The following PHF19 variants were observed in gnomAD, a reference collection of about 807,000 sequenced individuals.
The protein encoded by PHF19 is PHD finger protein 19, also known as polycomb like 3.
A neutral mutation model predicts 79.8 loss-of-function variants in PHF19; 21 were observed. That is an observed-to-expected ratio of 0.26 (90% CI 0.19 to 0.38). The LOEUF is 0.38. Ranked by LOEUF, PHF19 falls within the 10% of genes least tolerant of loss-of-function variation. The probability of loss-of-function intolerance (pLI) is 1.00; values close to 1 mark genes in which losing one functional copy is unlikely to be tolerated. For missense variants in PHF19, 445 were observed against 744.2 expected, an observed-to-expected ratio of 0.60 and a Z score of 4.68; for synonymous variants, 273 against 296.3, an observed-to-expected ratio of 0.92 and a Z score of 0.81.
intron 1 of PHF19, among the ~76,000 whole-genome samples, chr9:120,890,923 C>T (rs962484212): frequency 2.6e-5 from 4 of 152,182 alleles, no homozygotes; most frequent in African/African-American, 9.6e-5. Flanking sequence ...ACCTTCTCAC[C>T]TGTGTAGCCT....
At position 120,874,646 on chromosome 9, in the gene PHF19, G is replaced by T; in HGVS notation, c.96C>A (p.Asn32Lys). 1 of 1,613,926 alleles carries T rather than the reference G, an allele frequency of 6.2e-7. No individual in the cohort carries two copies. The highest frequency in any genetic ancestry group is 8.5e-7 in the Non-Finnish European group (1 of 1,179,762). Residue 32 changes from asparagine to lysine, a missense_variant, in exon 2 of 15, where the codon AAC (asparagine) becomes AAA (lysine). Asn to Lys is a moderately conservative substitution (Grantham distance 94). Transcript: ENST00000373896. The surrounding 1 kb of genome is among the most constrained non-coding windows in gnomAD (Gnocchi z 4.5). ...NKGALAKVKN[N>K]FKDLMSKLTE... is the part of the protein sequence containing the mutation. ...TCAGTTTGGACATCAAGTCTTTGAA[G>T]TTGTTCTTGACCTTCGCCAGGGCCC...
At chr9:120,897,819 A>C (rs757255253), upstream of PHF19, among the ~76,000 whole-genome samples, 22 of 151,840 alleles carry the variant, frequency 1.4e-4, no homozygotes, top group Non-Finnish European at 2.5e-4. Flanking sequence ...TCTCTGCAAA[A>C]ATACAAAAAA....
rs1170243737 is a variant in PHF19 at position 120,872,037 on chromosome 9, C to CAAAAAAAAAAAAAAA, written c.269-1514_269-1500dup. Among the ~76,000 whole-genome samples the CAAAAAAAAAAAAAAA allele has an allele frequency of 4.0e-4, 12 of 30,324 alleles. 1 individual carries two copies. The highest frequency in any genetic ancestry group is 1.2e-3 in the African/African-American group (9 of 7,534). 19.9% of individuals were successfully genotyped at this position (30,324 alleles called of 152,430 possible). A position where few individuals can be genotyped will look rare whatever the true frequency, so the allele number is the denominator to read the frequency against. On this transcript the variant is annotated intron_variant, in intron 3 of 14. Coordinates refer to ENST00000373896, the MANE Select transcript of PHF19 (RefSeq NM_015651.3). ...TGGGTGACAGAGCAAGACTCTGTCT[C>CAAAAAAAAAAAAAAA]AAAAAAAAAAAAAAAAAAAAAAAAA...
At chr9:120,861,809 G>A in intron 12 of PHF19, 109 bp downstream of exon 12, 3 of 795,878 alleles carry the variant, frequency 3.8e-6, no homozygotes, top group Non-Finnish European at 6.8e-6. Context: ...TTCTTTAAGG[G>A]ACATGAGAGA....
At chr9:120,864,229 G>T in intron 9 of PHF19, 113 bp from the exon 10 acceptor site, 1 of 838,020 alleles carries the variant, frequency 1.2e-6, no homozygotes, top group Non-Finnish European at 2.0e-6. Context: ...CTTCAGGTGA[G>T]GACCACTGAC....
Position 120,869,375 on chromosome 9 carries a change from A to C in PHF19, c.466-45T>G. 4 of 1,591,072 alleles carry C rather than the reference A, an allele frequency of 2.5e-6. No individual in the cohort carries two copies. On this transcript the variant is annotated intron_variant, in intron 5 of 14. Transcript: ENST00000373896. This position sits in a 1 kb window ranked among gnomAD's most constrained non-coding sequence, Gnocchi z 5.8. ...CCAGTCAACCACCAGGTCCGGGTGG[A>C]CCACGCGAGTCAGCACGCGGCTGTC...
Position 120,874,531 on chromosome 9 carries a change from C to T in PHF19, c.186+25G>A. On this transcript the variant is annotated intron_variant, in intron 2 of 14. Coordinates refer to ENST00000373896, the MANE Select transcript of PHF19 (RefSeq NM_015651.3). The surrounding 1 kb of genome is among the most constrained non-coding windows in gnomAD (Gnocchi z 4.5). ...AGCAGAGAGATTCTGAGTCTGAGAA[C>T]AGGGGCCAGAGAGGATGGGTTTACC... is the stretch of plus-strand genomic sequence containing the variant. 1 of 1,473,656 alleles carries T rather than the reference C, an allele frequency of 6.8e-7. No homozygotes were observed. The highest frequency in any genetic ancestry group is 9.5e-7 in the Non-Finnish European group (1 of 1,056,426). 91.3% of individuals were successfully genotyped at this position (1,473,656 alleles called of 1,614,324 possible).
At chr9:120,900,237 T>G in the PHF19 span, among the ~76,000 whole-genome samples, 1 of 152,228 alleles carries the variant, frequency 6.6e-6, no homozygotes. Context: ...TCTGCCCACC[T>G]CAGCCTCCCA....
At chr9:120,876,255 T>G (rs572791395) in intron 1 of PHF19, 2 of 152,302 alleles carry the variant, frequency 1.3e-5, no homozygotes, top group African/African-American at 4.8e-5. Context: ...GGGCAGGGGA[T>G]GCGGTCTGAA....
Position 120,870,895 on chromosome 9 carries a change from G to A in PHF19, c.269-357C>T, listed in dbSNP as rs2045876258. Among the ~76,000 whole-genome samples the A allele has an allele frequency of 6.6e-6, 1 of 152,040 alleles. No individual in the cohort carries two copies. The highest frequency in any genetic ancestry group is 1.9e-4 in the East Asian group (1 of 5,196). On this transcript the variant is annotated intron_variant, in intron 3 of 14. Transcript: ENST00000373896. This position sits in a 1 kb window ranked among gnomAD's most constrained non-coding sequence, Gnocchi z 4.4. ...GTTATTTTCTTAAAACTTTATTATG[G>A]GATAATATAATTTGTTTGTTTGTTT...
rs892944663 is a variant in PHF19 at position 120,870,989 on chromosome 9, G to A, written c.269-451C>T. 3.9e-5 allele frequency among the ~76,000 whole-genome samples: 6 copies of A among 152,122 alleles called. No homozygotes were observed. The highest frequency in any genetic ancestry group is 2.6e-4 in the Admixed American group (4 of 15,280). ...GTGATCTTGTCTCACTGCAACCTCC[G>A]CCTCCCTGGTTCAAGCAATTCTCCT... On this transcript the variant is annotated intron_variant, in intron 3 of 14. Coordinates refer to ENST00000373896, the MANE Select transcript of PHF19 (RefSeq NM_015651.3). The surrounding 1 kb of genome is among the most constrained non-coding windows in gnomAD (Gnocchi z 4.4).
chr9:120,891,824 A>C lies in PHF19; in HGVS notation c.42+2964T>G, dbSNP rs1301149762. Among the ~76,000 whole-genome samples, 1 of 152,052 alleles carries C rather than the reference A, an allele frequency of 6.6e-6. No homozygotes were observed. The highest frequency in any genetic ancestry group is 1.5e-5 in the Non-Finnish European group (1 of 68,016). ...GTAGAAGGATGCCTGTCTGAGCCCC[A>C]CCCCAAATCCAAGGAGCCAGACCAG... On this transcript the variant is annotated intron_variant, in intron 1 of 14. Coordinates refer to the PHF19 transcript ENST00000616568. This position sits in a 1 kb window ranked among gnomAD's most constrained non-coding sequence, Gnocchi z 4.3.
At chr9:120,861,690 A>T (rs2045530176) in intron 12 of PHF19, among the ~76,000 whole-genome samples, 1 of 152,044 alleles carries the variant, frequency 6.6e-6, no homozygotes, top group South Asian at 2.1e-4. Context: ...GACAGTGGGG[A>T]CAAGAATATT....
chr9:120,866,244 G>A lies in PHF19; in HGVS notation c.711-148C>T, dbSNP rs2045696831. The stretch of plus-strand genomic sequence containing the variant: ...CTGGCCACTGGGGGTCAAGGACAGG[G>A]CAGGACAGGGACTAAGAGATACCCC... On this transcript the variant is annotated intron_variant, in intron 7 of 14. Coordinates refer to ENST00000373896, the MANE Select transcript of PHF19 (RefSeq NM_015651.3). This position sits in a 1 kb window ranked among gnomAD's most constrained non-coding sequence, Gnocchi z 5.2. 2.9e-6 allele frequency: 2 copies of A among 684,890 alleles called. No homozygotes were observed. Among genetic ancestry groups the A allele is most frequent in the African/African-American group, 3.5e-5 (2 of 56,750 alleles). The allele number at this position is 684,890 out of a possible 1,614,324, so 42.4% of individuals were successfully genotyped here.
At chr9:120,882,044 G>A (rs573362020), upstream of PHF19, among the ~76,000 whole-genome samples, 21 of 152,376 alleles carry the variant, frequency 1.4e-4, no homozygotes, top group African/African-American at 4.6e-4. Flanking sequence ...ACAGGTGCGT[G>A]CCACTGCACC....
At chr9:120,882,972 A>G (rs2046209738) in intron 1 of PHF19, among the ~76,000 whole-genome samples, 1 of 152,042 alleles carries the variant, frequency 6.6e-6, no homozygotes, top group Non-Finnish European at 1.5e-5. Flanking sequence ...CCCATGTTTT[A>G]TGGCCTGAAT....
chr9:120,858,221 C>T lies in PHF19; in HGVS notation c.1466G>A (p.Arg489Gln), dbSNP rs762411221. The change falls in exon 15 of 15, where the codon CGG becomes CAG. Residue 489 changes from arginine (R) to glutamine (Q), a missense_variant. Physicochemically the swap from Arg to Gln is conservative, Grantham distance 43. This residue lies in a region of PHF19 where 125 missense variants were observed against 180.5 expected (regional missense o/e 0.69). Transcript: ENST00000373896. Reference protein sequence around the residue: ...AKAYMPLRAKRWAAELDGRCP... With the variant: ...AKAYMPLRAKQWAAELDGRCP... ...GCGTCCATCCAGCTCAGCTGCCCACCGCTTTGCCCGCAGGGGCATGTATGC... is the reference window on the plus strand; with the variant it reads ...GCGTCCATCCAGCTCAGCTGCCCACTGCTTTGCCCGCAGGGGCATGTATGC... The T allele has an allele frequency of 1.6e-5, 26 of 1,576,386 alleles. No individual in the cohort carries two copies. Among genetic ancestry groups the T allele is most frequent in the Non-Finnish European group, 2.3e-5 (26 of 1,154,672 alleles).
chr9:120,891,330 C>T lies in PHF19; in HGVS notation c.42+3458G>A, dbSNP rs1413206664. On this transcript the variant is annotated intron_variant, in intron 1 of 14. Coordinates refer to the PHF19 transcript ENST00000616568. This position sits in a 1 kb window ranked among gnomAD's most constrained non-coding sequence, Gnocchi z 4.3. The stretch of plus-strand genomic sequence containing the variant: ...CTCTCTGAGGAACTTGGTCCAGCTA[C>T]AGTCAATATCTAGAGAAGGTATTGG... 6.6e-6 allele frequency among the ~76,000 whole-genome samples: 1 copy of T among 151,984 alleles called. No individual in the cohort carries two copies. Among genetic ancestry groups the T allele is most frequent in the East Asian group, 1.9e-4 (1 of 5,182 alleles).
chr9:120,863,915 G>A (rs979980258), intron 10 of PHF19, 134 bp downstream of exon 10: 23 of 774,184 alleles, frequency 3.0e-5, no homozygotes, highest in South Asian at 2.0e-4. Flanking sequence ...CCTGGATCTC[G>A]GAGAATGGAA....
Sources: gnomAD v4.1 joint callset for allele counts (sites outside exome capture counted in the v4.1 genomes callset) on GRCh38, gnomAD v4.1.1 for gene constraint, gnomAD v4.1.1 regional missense constraint, Gnocchi (gnomAD v3.1) non-coding constraint, MANE v1.5 for transcripts, NCBI Gene and HGNC (gene_info 2026-07-23, HGNC 2026-07-21) for gene names.